RBFOX3: variants seen among roughly 807,000 people sequenced by gnomAD.
RBFOX3 encodes RNA binding protein fox-1 homolog 3.
A neutral mutation model predicts 48.7 loss-of-function variants in RBFOX3; 17 were observed. The ratio of observed to expected loss-of-function variants is 0.35; its 90% confidence interval spans 0.24 to 0.52. The LOEUF is 0.52. Among genes scored for constraint, RBFOX3 ranks in the 20% least tolerant of loss-of-function variants. The pLI is 0.94. For synonymous variants in RBFOX3, 212 were observed against 209.5 expected (o/e 1.01, Z -0.10); for missense variants, 382 against 497.5 (o/e 0.77, Z 2.21).
At chr17:79,303,333 TAC>T (rs2075606933) in intron 3 of RBFOX3, among the ~76,000 whole-genome samples, 1 of 152,234 alleles carries the variant, frequency 6.6e-6, no homozygotes, top group African/African-American at 2.4e-5. Context: ...TGCACAAATA[TAC>T]ACACAAATGC....
At chr17:79,149,146 C>T (rs1384401283) in intron 4 of RBFOX3, among the ~76,000 whole-genome samples, 2 of 152,214 alleles carry the variant, frequency 1.3e-5, no homozygotes, top group African/African-American at 2.4e-5. Context: ...CTGGGACCCC[C>T]GCTGCCTGCC....
intron 1 of RBFOX3, among the ~76,000 whole-genome samples, chr17:79,489,240 TA>T (rs71161671): frequency 0.4 from 50,339 of 126,110 alleles, 10,080 homozygotes; most frequent in Non-Finnish European, 0.47. Flanking sequence ...GCCAGAAAGT[TA>T]AAAAAAAAAA....
In RBFOX3 at chr17:79,423,537, G is replaced by A. The variant is rs2066814789; in HGVS notation, c.-175+58917C>T. On this transcript the variant is annotated intron_variant, in intron 2 of 14. Transcript: ENST00000693108. This position sits in a 1 kb window ranked among gnomAD's most constrained non-coding sequence, Gnocchi z 4.9. ...GCGCTGCCGGTACCCAGCACCTGGG[G>A]TTCTCCGCTATCTCCCACACATCGT... 6.6e-6 allele frequency among the ~76,000 whole-genome samples: 1 copy of A among 152,046 alleles called. No individual in the cohort carries two copies. The highest frequency in any genetic ancestry group is 2.4e-5 in the African/African-American group (1 of 41,388).
intron 2 of RBFOX3, among the ~76,000 whole-genome samples, chr17:79,330,538 C>T (rs566844658): frequency 8.7e-5 from 13 of 150,002 alleles, no homozygotes; most frequent in African/African-American, 2.5e-4. Flanking sequence ...AGGTTCCACA[C>T]GCTTCTCCGT....
At chr17:79,652,442 T>A in the RBFOX3 span, among the ~76,000 whole-genome samples, 1 of 146,958 alleles carries the variant, frequency 6.8e-6, no homozygotes, top group Non-Finnish European at 1.5e-5. Flanking sequence ...CAAGATCCTG[T>A]CTGGAAAGAA....
In RBFOX3 at chr17:79,499,303, T is replaced by C. The variant is rs1395220123; in HGVS notation, c.-319-16705A>G. Among the ~76,000 whole-genome samples the C allele has an allele frequency of 4.6e-5, 7 of 150,914 alleles. No individual in the cohort carries two copies. In the East Asian group the frequency reaches 1.4e-3, roughly 30 times the overall value. The stretch of plus-strand genomic sequence containing the variant: ...ATCTACCATCCATTTATTCATCCAC[T>C]ATTCATTCATGCACTCATCCATCCA... On this transcript the variant is annotated intron_variant, in intron 1 of 14. Coordinates refer to ENST00000693108, the MANE Select transcript of RBFOX3 (RefSeq NM_001350451.2).
chr17:79,581,868 G>T (rs1289767206), intron 1 of RBFOX3, among the ~76,000 whole-genome samples: 3 of 152,262 alleles, frequency 2.0e-5, no homozygotes, highest in Non-Finnish European at 4.4e-5. Context: ...CCACCATAGG[G>T]AATCGTGTTA....
chr17:79,206,374 T>A (rs1249986884), intron 4 of RBFOX3, among the ~76,000 whole-genome samples: 1 of 152,132 alleles, frequency 6.6e-6, no homozygotes, highest in African/African-American at 2.4e-5. Flanking sequence ...TGCAGTGACA[T>A]CATCCCAGTG....
At chr17:79,573,947 G>A (rs1473759480) in intron 1 of RBFOX3, among the ~76,000 whole-genome samples, 3 of 152,208 alleles carry the variant, frequency 2.0e-5, no homozygotes, top group African/African-American at 4.8e-5. Context: ...GAAACCAGGC[G>A]GGGAGGAGAA....
chr17:79,292,603 CACACACACACACATACAT>C (rs1258188441), intron 3 of RBFOX3, among the ~76,000 whole-genome samples: 1,933 of 87,484 alleles, frequency 0.022, 36 homozygotes, highest in Admixed American at 0.1. Flanking sequence ...CACACACGCA[CACACACACACACATACAT>C]GCAGACCCAG....
chr17:79,375,358 GACACACACACAC>G (rs534923135), intron 2 of RBFOX3, among the ~76,000 whole-genome samples: 146 of 136,292 alleles, frequency 1.1e-3, no homozygotes, highest in Middle Eastern at 7.2e-3. Flanking sequence ...GAAGACAGAA[GACACACACACAC>G]ACACACACAC....
chr17:79,307,605 A>C (rs1418208922), intron 3 of RBFOX3, 119 bp downstream of exon 3: 1 of 153,804 alleles, frequency 6.5e-6, no homozygotes, highest in Admixed American at 6.5e-5. Flanking sequence ...CTCCTCCTGC[A>C]GACACCCTCA....
At chr17:79,639,769 C>A in the RBFOX3 span, among the ~76,000 whole-genome samples, 2 of 152,042 alleles carry the variant, frequency 1.3e-5, no homozygotes, top group Non-Finnish European at 2.9e-5. Flanking sequence ...ATAGAAAAAG[C>A]ATCTGACAAA....
chr17:79,431,319 T>A (rs527656520), intron 2 of RBFOX3, among the ~76,000 whole-genome samples: 2 of 152,198 alleles, frequency 1.3e-5, no homozygotes, highest in South Asian at 4.2e-4. Context: ...TCTGACCACA[T>A]TTTCTTTTTT....
intron 4 of RBFOX3, among the ~76,000 whole-genome samples, chr17:79,154,351 C>T (rs1475561639): frequency 1.3e-5 from 2 of 152,222 alleles, no homozygotes; most frequent in Non-Finnish European, 2.9e-5. Context: ...GCTGTTAGCC[C>T]TCTGTCTCGG....
At chr17:79,097,497 C>T in intron 10 of RBFOX3, 73 bp from the exon 11 acceptor site, 1 of 1,432,728 alleles carries the variant, frequency 7.0e-7, no homozygotes, top group African/African-American at 1.6e-5. Context: ...CCCCGTACAC[C>T]TAGCCCCCCC....
rs1472112461 is a variant in RBFOX3 at position 79,421,491 on chromosome 17, C to A, written c.-175+60963G>T. On this transcript the variant is annotated intron_variant, in intron 2 of 14. Transcript: ENST00000693108. This position sits in a 1 kb window ranked among gnomAD's most constrained non-coding sequence, Gnocchi z 4.5. ...AGGACAGCAGCTCTCAGCCCCTCCC[C>A]CTGAAGAAAGCATGTGGGGAGGGAC... 1.3e-5 allele frequency among the ~76,000 whole-genome samples: 2 copies of A among 152,090 alleles called. No individual in the cohort carries two copies. Among genetic ancestry groups the A allele is most frequent in the Admixed American group, 1.3e-4 (2 of 15,278 alleles).
In RBFOX3 at chr17:79,363,498, A is replaced by G. The variant is rs1352503205; in HGVS notation, c.-174-55674T>C. Among the ~76,000 whole-genome samples the G allele has an allele frequency of 6.6e-6, 1 of 152,070 alleles. No individual in the cohort carries two copies. Among genetic ancestry groups the G allele is most frequent in the East Asian group, 1.9e-4 (1 of 5,180 alleles). On this transcript the variant is annotated intron_variant, in intron 2 of 14. Coordinates refer to ENST00000693108, the MANE Select transcript of RBFOX3 (RefSeq NM_001350451.2). The surrounding 1 kb of genome is among the most constrained non-coding windows in gnomAD (Gnocchi z 4.7). ...CTCGGCTTTTTCAAGAAGCCTCAGA[A>G]GTATCTCAGAAGTATCTCAGATCTT...
chr17:79,609,768 G>A (rs924118266), intron 1 of RBFOX3, among the ~76,000 whole-genome samples: 3 of 151,770 alleles, frequency 2.0e-5, no homozygotes, highest in East Asian at 2.0e-4. Context: ...GACACTGCAG[G>A]GCTGCGCGCC....
Sources: gnomAD v4.1 joint callset for allele counts (sites outside exome capture counted in the v4.1 genomes callset) on GRCh38, gnomAD v4.1.1 for gene constraint, Gnocchi (gnomAD v3.1) non-coding constraint, MANE v1.5 for transcripts, NCBI Gene and HGNC (gene_info 2026-07-23, HGNC 2026-07-21) for gene names.